Variants in HK3 observed in about 807,000 individuals in gnomAD.
The protein encoded by HK3 is hexokinase-3.
HK3 carries 93 observed loss-of-function variants against 91.0 expected under a neutral mutation model. The observed-to-expected ratio is 1.02, with a 90% CI of 0.86 to 1.21. The LOEUF (loss-of-function observed/expected upper bound fraction) is 1.21. Ranked by LOEUF, HK3 falls within the 50% of genes most tolerant of loss-of-function variation. The probability of loss-of-function intolerance (pLI) is 0.00; values close to 1 mark genes in which losing one functional copy is unlikely to be tolerated. For synonymous variants in HK3, 519 were observed against 516.9 expected, an observed-to-expected ratio of 1.00 and a Z score of -0.06; for missense variants, 1,235 against 1,247.4, an observed-to-expected ratio of 0.99 and a Z score of 0.15.
chr5:176,883,463 A>G (rs894752933), intron 15 of HK3, among the ~76,000 whole-genome samples: 4 of 152,160 alleles, frequency 2.6e-5, no homozygotes, highest in African/African-American at 9.7e-5. Context: ...GACTTGCCCA[A>G]GGTCATACAG....
Position 176,891,462 on chromosome 5 carries a change from A to G in HK3, c.185T>C (p.Leu62Pro). 3 of 1,614,154 alleles carry G rather than the reference A, an allele frequency of 1.9e-6. No homozygotes were observed. The highest frequency in any genetic ancestry group is 2.5e-6 in the Non-Finnish European group (3 of 1,180,020). ...AGGGGCAGGGCTGGCCTGTCCCCTC[A>G]GCGCCTGCTCCATGGAACCCAAGAG... ...ASLLGSMEQA[L>P]RGQASPAPAV... The change falls in exon 3 of 19, where the codon CTG becomes CCG. Residue 62 changes from leucine to proline, a missense_variant. Coordinates refer to ENST00000292432, the MANE Select transcript of HK3 (RefSeq NM_002115.3).
At chr5:176,896,513 G>A (rs1186180351) in intron 1 of HK3, among the ~76,000 whole-genome samples, 1 of 152,190 alleles carries the variant, frequency 6.6e-6, no homozygotes, top group African/African-American at 2.4e-5. Flanking sequence ...CCTGCCCTCA[G>A]GGACCTCACA....
At position 176,887,503 on chromosome 5, in the gene HK3, G is replaced by A. The variant is rs781577990; in HGVS notation, c.1548C>T (p.Ala516=). ...AAGTGGGCAGCATGCGAAGGGAGGAGGCCTCCCCTCGGAGCCCCTTGGCCA... is the reference window on the plus strand; with the variant it reads ...AAGTGGGCAGCATGCGAAGGGAGGAAGCCTCCCCTCGGAGCCCCTTGGCCA... ...KAMAKGLRGE[A]SSLRMLPTFV... is the part of the protein sequence containing the mutation. Residue 516 remains alanine (A), a synonymous_variant, in exon 11 of 19, where the codon GCC becomes GCT. Coordinates refer to ENST00000292432, the MANE Select transcript of HK3 (RefSeq NM_002115.3). The surrounding 1 kb of genome is among the most constrained non-coding windows in gnomAD (Gnocchi z 4.9). 3 of 1,613,682 alleles carry A rather than the reference G, an allele frequency of 1.9e-6. No homozygotes were observed. The highest frequency in any genetic ancestry group is 2.5e-6 in the Non-Finnish European group (3 of 1,179,912).
rs1037923565 is a variant in HK3, at chr5:176,881,550, G to A, written c.2394-15C>T. On this transcript the variant is annotated splice_polypyrimidine_tract_variant and intron_variant, in intron 17 of 18. Coordinates refer to ENST00000292432, the MANE Select transcript of HK3 (RefSeq NM_002115.3). ...CCAGGCTGTCACTGGGGGCCAGGAA[G>A]GAAGAGAGCACAGGGAGGTGGGTCG... 4 of 1,597,544 alleles carry A rather than the reference G, an allele frequency of 2.5e-6. No individual in the cohort carries two copies. The highest frequency in any genetic ancestry group is 3.4e-6 in the Non-Finnish European group (4 of 1,173,390).
chr5:176,881,444 A>G lies in HK3; in HGVS notation c.2485T>C (p.Cys829Arg), dbSNP rs1758425258. The part of the protein sequence containing the change: ...SDDALMVLEV[C>R]QAVSQRAAQL... ...GCAGCCCTCTGGGACACAGCCTGGC[A>G]CACCTCTAGCACCATCAGGGCGTCA... Residue 829 changes from cysteine to arginine, a missense_variant, in exon 18 of 19, where the codon TGC becomes CGC. Physicochemically the swap from Cys to Arg is radical, Grantham distance 180. Transcript: ENST00000292432. 6.2e-7 allele frequency: 1 copy of G among 1,610,838 alleles called. No homozygotes were observed. Among genetic ancestry groups the G allele is most frequent in the Non-Finnish European group, 8.5e-7 (1 of 1,180,026 alleles).
In HK3 at chr5:176,881,846, A is replaced by G; in HGVS notation, c.2239T>C (p.Phe747Leu). ...QASINPGKQRFEKMISGMYLG... is the reference protein window; with the variant it reads ...QASINPGKQRLEKMISGMYLG... The stretch of plus-strand genomic sequence containing the variant: ...TACATGCCGCTGATCATCTTTTCAA[A>G]CCTGCATGAACATGTGTGCACTCGG... The change falls in exon 17 of 19, where the codon TTT becomes CTT. Residue 747 changes from phenylalanine to leucine, a missense_variant and splice_region_variant. Phe to Leu is a conservative substitution (Grantham distance 22). Around this residue, in one of 3 missense-constraint regions of HK3, gnomAD observed 513 missense variants for 477.4 expected, o/e 1.07. Transcript: ENST00000292432. 1 of 1,611,746 alleles carries G rather than the reference A, an allele frequency of 6.2e-7. No homozygotes were observed. Among genetic ancestry groups the G allele is most frequent in the Middle Eastern group, 1.6e-4 (1 of 6,062 alleles).
intron 2 of HK3, among the ~76,000 whole-genome samples, chr5:176,894,913 A>G (rs1045419804): frequency 5.4e-5 from 8 of 148,466 alleles, no homozygotes; most frequent in Non-Finnish European, 8.9e-5. Flanking sequence ...AGTGGCTGGG[A>G]CTACAGGCGC....
intron 1 of HK3, 53 bp from the exon 2 acceptor site, chr5:176,896,238 G>A (rs1420656060): frequency 5.7e-6 from 6 of 1,053,962 alleles, no homozygotes; most frequent in African/African-American, 4.9e-5. Flanking sequence ...TAGGCCCTAG[G>A]AGTCTGTAAC....
Position 176,881,125 on chromosome 5 carries a change from G to C in HK3, c.2720C>G (p.Ala907Gly), listed in dbSNP as rs749424706. Residue 907 changes from alanine to glycine, a missense_variant, in exon 19 of 19, where the codon GCG becomes GGG. Physicochemically the swap from Ala to Gly is moderately conservative, Grantham distance 60. Transcript: ENST00000292432. ...LQSEDGSGKG[A>G]ALVTAVACRL... ...GCAGGCAACAGCGGTGACCAGGGCC[G>C]CACCTTTGCCGGACCCATCCTCTGA... The C allele has an allele frequency of 1.2e-6, 2 of 1,612,794 alleles. No individual in the cohort carries two copies. The highest frequency in any genetic ancestry group is 1.7e-6 in the Non-Finnish European group (2 of 1,179,842).
At position 176,895,950 on chromosome 5, in the gene HK3, G is replaced by C. The variant is rs919671767; in HGVS notation, c.96+114C>G. 4.8e-6 allele frequency: 4 copies of C among 831,684 alleles called. No homozygotes were observed. In the African/African-American group the frequency reaches 6.8e-5, roughly 14 times the overall value. 51.5% of individuals were successfully genotyped at this position (831,684 alleles called of 1,614,324 possible). On this transcript the variant is annotated intron_variant, in intron 2 of 18. Coordinates refer to ENST00000292432, the MANE Select transcript of HK3 (RefSeq NM_002115.3). ...ATCGTTACCAGCTCAGATATGAAAA[G>C]CTCAGTGGAAAGGGGCTGCATGGGT... is the stretch of plus-strand genomic sequence containing the variant.
At chr5:176,886,786 G>A (rs931959511) in intron 13 of HK3, among the ~76,000 whole-genome samples, 1 of 152,194 alleles carries the variant, frequency 6.6e-6, no homozygotes, top group Non-Finnish European at 1.5e-5. Context: ...CCCCAGTCTA[G>A]GCCTGACCTG....
At chr5:176,889,893 AGATGC>A in intron 6 of HK3, 149 bp from the exon 7 acceptor site, 1 of 670,488 alleles carries the variant, frequency 1.5e-6, no homozygotes, top group Non-Finnish European at 2.6e-6. Flanking sequence ...TTTGTGCCAC[AGATGC>A]TCTGGGCTCC....
At chr5:176,896,037 G>A (rs1561687500) in intron 2 of HK3, 27 bp downstream of exon 2, 1 of 1,594,702 alleles carries the variant, frequency 6.3e-7, no homozygotes, top group East Asian at 2.2e-5. Context: ...AGACAAGCAT[G>A]AAACAGGAAC....
Position 176,887,553 on chromosome 5 carries a change from C to T in HK3, c.1498G>A (p.Val500Ile). The T allele has an allele frequency of 6.2e-7, 1 of 1,613,890 alleles. No homozygotes were observed. The change falls in exon 11 of 19, where the codon GTT becomes ATT. Residue 500 changes from valine (V) to isoleucine (I), a missense_variant. Physicochemically the swap from Val to Ile is conservative, Grantham distance 29 (BLOSUM62 3). Coordinates refer to ENST00000292432, the MANE Select transcript of HK3 (RefSeq NM_002115.3). This position sits in a 1 kb window ranked among gnomAD's most constrained non-coding sequence, Gnocchi z 4.9. ...ATGGCCTTCCGCATCTGTGCCTGAACCGCAGCCAGTTGATCATGGTTCAAC... is the reference window on the plus strand; with the variant it reads ...ATGGCCTTCCGCATCTGTGCCTGAATCGCAGCCAGTTGATCATGGTTCAAC... ...FRLNHDQLAA[V>I]QAQMRKAMAK... is the part of the protein sequence containing the mutation.
rs1228762242 is a variant in HK3, at chr5:176,887,314, C to T, written c.1624G>A (p.Asp542Asn). The stretch of plus-strand genomic sequence containing the variant: ...ACACGGAAGTTCGTGCCCCCGAGGT[C>T]CAGGGCCAGGAAATCCCCTCGCTCT... ...GSERGDFLAL[D>N]LGGTNFRVLL... is the part of the protein sequence containing the mutation. The change falls in exon 12 of 19, where the codon GAC (aspartate) becomes AAC (asparagine). Residue 542 changes from aspartate (D) to asparagine (N), a missense_variant. Asp to Asn is a conservative substitution (Grantham distance 23). Transcript: ENST00000292432. The surrounding 1 kb of genome is among the most constrained non-coding windows in gnomAD (Gnocchi z 4.9). The T allele has an allele frequency of 1.2e-6, 2 of 1,613,906 alleles. No individual in the cohort carries two copies. Among genetic ancestry groups the T allele is most frequent in the Non-Finnish European group, 8.5e-7 (1 of 1,180,014 alleles).
rs1561677434 is a variant in HK3, at chr5:176,883,775, A to G, written c.2048T>C (p.Ile683Thr). Residue 683 changes from isoleucine to threonine, a missense_variant, in exon 15 of 19, where the codon ATT becomes ACT. Physicochemically the swap from Ile to Thr is moderately conservative, Grantham distance 89. Coordinates refer to ENST00000292432, the MANE Select transcript of HK3 (RefSeq NM_002115.3). ...AAGGGCAGGGCCCTCCTCACCGACA[A>G]TGAGGCCTATCTCGCAACGGGGGTC... Reference protein sequence around the residue: ...YEDPRCEIGLIVGTGTNACYM... With the variant: ...YEDPRCEIGLTVGTGTNACYM... 1.2e-5 allele frequency: 19 copies of G among 1,612,114 alleles called. No individual in the cohort carries two copies. Among genetic ancestry groups the G allele is most frequent in the Non-Finnish European group, 1.4e-5 (16 of 1,178,274 alleles).
rs747904642 is a variant in HK3, at chr5:176,888,466, G to A, written c.1170C>T (p.Ala390=). 8.2e-5 allele frequency: 127 copies of A among 1,554,204 alleles called. No homozygotes were observed. Among genetic ancestry groups the A allele is most frequent in the Non-Finnish European group, 1.0e-4 (116 of 1,148,304 alleles). Residue 390 remains alanine, a synonymous_variant, in exon 10 of 19, where the codon GCC becomes GCT. Coordinates refer to ENST00000292432, the MANE Select transcript of HK3 (RefSeq NM_002115.3). ...DVELVQHVCA[A]VCTRAAQLCA... The stretch of plus-strand genomic sequence containing the variant: ...AGAGCTGGGCAGCCCGCGTGCACAC[G>A]GCCGCACAGACGTGCTGCACAAGCT...
intron 15 of HK3, among the ~76,000 whole-genome samples, chr5:176,883,333 G>T (rs932553369): frequency 5.9e-5 from 9 of 152,176 alleles, no homozygotes; most frequent in Admixed American, 5.9e-4. Context: ...CACCAGGTGT[G>T]TACCATGAGC....
chr5:176,891,511 G>A lies in HK3; in HGVS notation c.136C>T (p.Gln46Ter). Residue 46 changes from glutamine (Q) to a stop codon, truncating the protein, a stop_gained, in exon 3 of 19, where the codon CAG becomes TAG. Transcript: ENST00000292432. LOFTEE classifies it high-confidence loss of function. ...CLQQFKVTRA[Q>*]LQQIQASLLG... ...AGGCTGGCTTGGATCTGCTGTAGCT[G>A]TGCCCTTGTCACCTTGAACTGCTGC... is the stretch of plus-strand genomic sequence containing the variant. 1 of 1,614,002 alleles carries A rather than the reference G, an allele frequency of 6.2e-7. No individual in the cohort carries two copies. The highest frequency in any genetic ancestry group is 8.5e-7 in the Non-Finnish European group (1 of 1,179,944).
Sources: allele counts gnomAD v4.1 joint callset (sites outside exome capture counted in the v4.1 genomes callset), GRCh38; gene constraint gnomAD v4.1.1; regional missense constraint gnomAD v4.1.1; non-coding constraint Gnocchi (gnomAD v3.1); transcripts MANE v1.5; gene names NCBI Gene and HGNC (gene_info 2026-07-23, HGNC 2026-07-21).